The following ZBTB44 variants were observed in gnomAD, a reference collection of about 807,000 sequenced individuals.
ZBTB44 encodes the protein zinc finger and BTB domain-containing protein 44.
In ZBTB44, 15 loss-of-function variants were observed where a neutral mutation model predicts 54.0. The observed-to-expected ratio is 0.28, with a 90% CI of 0.19 to 0.43. The LOEUF is 0.43. Among genes scored for constraint, ZBTB44 ranks in the 20% least tolerant of loss-of-function variants. The pLI is 1.00. For synonymous variants in ZBTB44, 230 were observed against 250.1 expected, an observed-to-expected ratio of 0.92 and a Z score of 0.76; for missense variants, 487 against 707.1, an observed-to-expected ratio of 0.69 and a Z score of 3.53.
chr11:130,290,087 A>C (rs1202163277), intron 1 of ZBTB44, among the ~76,000 whole-genome samples: 3 of 152,230 alleles, frequency 2.0e-5, no homozygotes, highest in Non-Finnish European at 2.9e-5. Flanking sequence ...CAGATTACCC[A>C]GGTGGGCCCT....
intron 1 of ZBTB44, among the ~76,000 whole-genome samples, chr11:130,304,536 G>A (rs1942163285): frequency 6.6e-6 from 1 of 152,102 alleles, no homozygotes; most frequent in Non-Finnish European, 1.5e-5. Context: ...ATCGTACACA[G>A]ACATGGAGGA....
chr11:130,304,912 G>A (rs1224730409), intron 1 of ZBTB44, among the ~76,000 whole-genome samples: 1 of 152,116 alleles, frequency 6.6e-6, no homozygotes, highest in South Asian at 2.1e-4. Flanking sequence ...TGAAGTTTCA[G>A]GATACAAAAT....
rs11828102 is a variant in ZBTB44, at chr11:130,276,875, A to G, written c.-56-14946T>C. On this transcript the variant is annotated intron_variant, in intron 1 of 7. Transcript: ENST00000357899. ...CATAACTGTTACAGCTTCCTGATGA[A>G]ATGACCCTTTTATCCTTATAAAACG... Among the ~76,000 whole-genome samples, 744 of 152,314 alleles carry G rather than the reference A, an allele frequency of 4.9e-3. 6 individuals are homozygous for G. The highest frequency in any genetic ancestry group is 0.017 in the African/African-American group (724 of 41,568).
At chr11:130,257,942 C>T (rs1938571633) in intron 2 of ZBTB44, among the ~76,000 whole-genome samples, 1 of 152,112 alleles carries the variant, frequency 6.6e-6, no homozygotes, top group Admixed American at 6.6e-5. Flanking sequence ...CTTATCTTTT[C>T]TACTGCTTTT....
rs1938819766 is a variant in ZBTB44, at chr11:130,260,953, G to A, written c.921C>T (p.Val307=). ...CACTCAGCGAACTCTGAGATGCACT[G>A]ACAGGCTGGGACACTTCCTCATGGA... ...EEVHEEVSQP[V]SASQSSLSDQ... is the part of the protein sequence containing the mutation. The change falls in exon 2 of 8, where the codon GTC becomes GTT. Residue 307 remains valine (V), a synonymous_variant. Transcript: ENST00000357899. 1 of 1,613,892 alleles carries A rather than the reference G, an allele frequency of 6.2e-7. No homozygotes were observed. The highest frequency in any genetic ancestry group is 8.5e-7 in the Non-Finnish European group (1 of 1,179,906).
At chr11:130,246,682 C>G (rs1035868460) in intron 2 of ZBTB44, among the ~76,000 whole-genome samples, 1 of 152,140 alleles carries the variant, frequency 6.6e-6, no homozygotes, top group Non-Finnish European at 1.5e-5. Context: ...ATGTGCCAGG[C>G]ATTGTTCTAA....
chr11:130,254,239 G>A (rs1938252745), intron 2 of ZBTB44, among the ~76,000 whole-genome samples: 1 of 152,100 alleles, frequency 6.6e-6, no homozygotes, highest in African/African-American at 2.4e-5. Context: ...AAACTAAAGA[G>A]CTTTTGCATA....
intron 1 of ZBTB44, chr11:130,295,648 T>G: frequency 8.6e-7 from 1 of 1,161,650 alleles, no homozygotes; most frequent in Non-Finnish European, 1.3e-6. Context: ...AAAATGGGTT[T>G]TACCAACATG....
intron 1 of ZBTB44, among the ~76,000 whole-genome samples, chr11:130,313,196 T>G (rs980504412): frequency 3.9e-5 from 6 of 152,230 alleles, no homozygotes; most frequent in South Asian, 2.1e-4. Context: ...ACTAGTTGTG[T>G]GCCCTAAGGC....
chr11:130,303,781 G>A (rs1161367478), intron 1 of ZBTB44, among the ~76,000 whole-genome samples: 2 of 149,938 alleles, frequency 1.3e-5, no homozygotes, highest in South Asian at 4.2e-4. Flanking sequence ...GTAATTTTAA[G>A]TTTTTTTTTT....
intron 1 of ZBTB44, among the ~76,000 whole-genome samples, chr11:130,312,074 G>A (rs1259140230): frequency 1.3e-5 from 2 of 152,146 alleles, no homozygotes; most frequent in Non-Finnish European, 2.9e-5. Flanking sequence ...TATGAATATT[G>A]AAAAGTAAAG....
chr11:130,303,596 T>C (rs964111041), intron 1 of ZBTB44, among the ~76,000 whole-genome samples: 21 of 151,886 alleles, frequency 1.4e-4, no homozygotes, highest in Admixed American at 2.0e-4. Flanking sequence ...GATGGCGCCA[T>C]TGCACTCCGG....
At chr11:130,312,930 T>C (rs920811732) in intron 1 of ZBTB44, among the ~76,000 whole-genome samples, 1 of 152,166 alleles carries the variant, frequency 6.6e-6, no homozygotes, top group Non-Finnish European at 1.5e-5. Flanking sequence ...TTTCAAATAA[T>C]TACACACATA....
chr11:130,241,431 C>T (rs1037307530), intron 2 of ZBTB44, among the ~76,000 whole-genome samples: 4 of 152,178 alleles, frequency 2.6e-5, no homozygotes, highest in African/African-American at 9.6e-5. Flanking sequence ...TTATTACCAA[C>T]CTGGTGTATG....
At chr11:130,258,573 T>C (rs546215810) in intron 2 of ZBTB44, among the ~76,000 whole-genome samples, 64 of 152,372 alleles carry the variant, frequency 4.2e-4, no homozygotes, top group African/African-American at 1.5e-3. Context: ...ACACTGCTAG[T>C]TGCATACTCA....
Position 130,228,229 on chromosome 11 carries a change from A to G in ZBTB44, c.*3535T>C, listed in dbSNP as rs1162090604. ...AAAACCAAATTTTACTCTATTAGGG[A>G]CCGTTGCTTTTTTAAAAAATACCTT... On this transcript the variant is annotated 3_prime_UTR_variant, in exon 8 of 8. Transcript: ENST00000357899. The G allele has an allele frequency of 6.6e-6, 1 of 152,184 alleles. No individual in the cohort carries two copies. The highest frequency in any genetic ancestry group is 2.4e-5 in the African/African-American group (1 of 41,444). The allele number at this position is 152,184 out of a possible 1,614,324, so 9.4% of individuals were successfully genotyped here. A position where few individuals can be genotyped will look rare whatever the true frequency, so the allele number is the denominator to read the frequency against.
At chr11:130,268,118 G>T (rs1939393249) in intron 1 of ZBTB44, among the ~76,000 whole-genome samples, 1 of 151,524 alleles carries the variant, frequency 6.6e-6, no homozygotes, top group African/African-American at 2.4e-5. Context: ...TCCAGGTTGG[G>T]TGCAGGGGCT....
At chr11:130,263,759 G>C (rs977971518) in intron 1 of ZBTB44, among the ~76,000 whole-genome samples, 5 of 152,198 alleles carry the variant, frequency 3.3e-5, no homozygotes, top group African/African-American at 1.2e-4. Context: ...TGTTCAAAGA[G>C]TAGATATGAA....
Position 130,237,038 on chromosome 11 carries a change from CGA to C in ZBTB44, c.1321_1322del (p.Ser441AlafsTer9). On this transcript the variant is annotated frameshift_variant, in exon 5 of 8. Transcript: ENST00000357899. LOFTEE classifies it high-confidence loss of function. ...RCGKKFTRAY[S>X]LKMHRLKHEG... ...CATGCTTTAGGCGATGCATCTTTAG[CGA>C]GTAAGCCCTGGTGAACTTTTTCCCA... 1 of 1,605,618 alleles carries C rather than the reference CGA, an allele frequency of 6.2e-7. No homozygotes were observed. Among genetic ancestry groups the C allele is most frequent in the Non-Finnish European group, 8.5e-7 (1 of 1,176,196 alleles).
Sources: allele counts gnomAD v4.1 joint callset (sites outside exome capture counted in the v4.1 genomes callset), GRCh38; gene constraint gnomAD v4.1.1; transcripts MANE v1.5; gene names NCBI Gene and HGNC (gene_info 2026-07-23, HGNC 2026-07-21).